Variants in POR observed in about 807,000 individuals in gnomAD.
The protein encoded by POR is cytochrome p450 oxidoreductase.
A neutral mutation model predicts 84.0 loss-of-function variants in POR; 56 were observed. The ratio of observed to expected loss-of-function variants is 0.67; its 90% CI spans 0.54 to 0.83. The LOEUF is 0.83. Ranked by LOEUF, POR falls within the 40% of genes least tolerant of loss-of-function variation. The pLI is 0.00. For synonymous variants in POR, 414 were observed against 400.5 expected (o/e 1.03, Z -0.40); for missense variants, 938 against 944.3 (o/e 0.99, Z 0.09).
intron 1 of POR, among the ~76,000 whole-genome samples, chr7:75,922,464 T>C (rs936452583): frequency 5.3e-5 from 8 of 151,928 alleles, no homozygotes; most frequent in East Asian, 3.9e-4. Flanking sequence ...GCTGGAATTA[T>C]AGGTGTGTGC....
At position 75,928,389 on chromosome 7, in the gene POR, G is replaced by T. The variant is rs150574581; in HGVS notation, c.-5+13210G>T. 3.3e-5 allele frequency among the ~76,000 whole-genome samples: 5 copies of T among 152,216 alleles called. No homozygotes were observed. In the East Asian group the frequency reaches 9.6e-4, roughly 29 times the overall value. On this transcript the variant is annotated intron_variant, in intron 1 of 15. Transcript: ENST00000461988. ...CTAGTCGTGGACACCTGCAGCAGAC[G>T]TATGTTCACTGCGTGTTTCTGGGCT... is the stretch of plus-strand genomic sequence containing the variant.
At chr7:75,979,314 C>T (rs1554557267) in intron 3 of POR, 137 bp from the exon 4 acceptor site, 6 of 1,053,664 alleles carry the variant, frequency 5.7e-6, no homozygotes, top group South Asian at 1.6e-5. Context: ...CCCAGAGGAA[C>T]TTAGAAGGGA....
At chr7:75,949,789 G>T (rs1787332839) in intron 1 of POR, among the ~76,000 whole-genome samples, 1 of 152,060 alleles carries the variant, frequency 6.6e-6, no homozygotes, top group Non-Finnish European at 1.5e-5. Context: ...CAAAGTGCTG[G>T]GATTACAGGT....
intron 1 of POR, among the ~76,000 whole-genome samples, chr7:75,951,225 T>C (rs1554552778): frequency 6.6e-6 from 1 of 151,766 alleles, no homozygotes; most frequent in African/African-American, 2.4e-5. Flanking sequence ...TGAAACCCCG[T>C]CTCTACTAAA....
chr7:75,937,570 T>C (rs1348471446), intron 1 of POR, among the ~76,000 whole-genome samples: 1 of 146,140 alleles, frequency 6.8e-6, no homozygotes, highest in Non-Finnish European at 1.5e-5. Context: ...TCACCTGAGG[T>C]CAGGAGTTTG....
intron 3 of POR, among the ~76,000 whole-genome samples, chr7:75,976,762 C>A (rs1036531814): frequency 2.7e-5 from 4 of 149,202 alleles, no homozygotes; most frequent in Non-Finnish European, 3.0e-5. Flanking sequence ...AAAAAAAAAA[C>A]AATTTTTAAT....
At chr7:75,978,762 C>T (rs573540804) in intron 3 of POR, among the ~76,000 whole-genome samples, 4 of 150,760 alleles carry the variant, frequency 2.7e-5, no homozygotes, top group Admixed American at 6.6e-5. Flanking sequence ...GACCTCAAGT[C>T]ATCCACCCGC....
intron 1 of POR, among the ~76,000 whole-genome samples, chr7:75,953,655 G>C (rs180890507): frequency 6.6e-6 from 1 of 152,278 alleles, no homozygotes; most frequent in Admixed American, 6.5e-5. Context: ...GTGTCCTTGT[G>C]GGATTAGAGG....
chr7:75,974,524 C>CTTTTTTTTTTTTTTTTTTTTTT (rs1238804117), intron 3 of POR, among the ~76,000 whole-genome samples: 5 of 107,904 alleles, frequency 4.6e-5, no homozygotes, highest in Admixed American at 1.1e-4. Flanking sequence ...TTTTTCTTTT[C>CTTTTTTTTTTTTTTTTTTTTTT]TTTTTTTTTT....
intron 2 of POR, among the ~76,000 whole-genome samples, chr7:75,962,013 CAAA>C (rs782366811): frequency 3.1e-5 from 4 of 128,870 alleles, no homozygotes; most frequent in Admixed American, 8.0e-5. Context: ...GACCCTGTCT[CAAA>C]AAAAAAAAAA....
chr7:75,975,659 CT>C (rs1386180995), intron 3 of POR, among the ~76,000 whole-genome samples: 2 of 152,012 alleles, frequency 1.3e-5, no homozygotes, highest in Non-Finnish European at 2.9e-5. Context: ...TCTCTGGGTT[CT>C]TTTCACTGGG....
chr7:75,972,640 G>A, intron 3 of POR, 179 bp downstream of exon 3: 6 of 691,764 alleles, frequency 8.7e-6, no homozygotes, highest in East Asian at 8.2e-5. Context: ...AAGCAGCTCT[G>A]CTGTTGCTGG....
At chr7:75,978,077 A>G (rs1438947737) in intron 3 of POR, among the ~76,000 whole-genome samples, 3 of 152,184 alleles carry the variant, frequency 2.0e-5, no homozygotes, top group Non-Finnish European at 2.9e-5. Flanking sequence ...TTTATAATGA[A>G]TATGTATTTA....
intron 3 of POR, among the ~76,000 whole-genome samples, chr7:75,975,644 C>T (rs1788648209): frequency 6.6e-6 from 1 of 152,034 alleles, no homozygotes; most frequent in African/African-American, 2.4e-5. Flanking sequence ...ATAATAATAG[C>T]TGGGTCTCTG....
intron 2 of POR, among the ~76,000 whole-genome samples, chr7:75,957,866 A>G (rs1787754620): frequency 6.6e-6 from 1 of 152,136 alleles, no homozygotes; most frequent in African/African-American, 2.4e-5. Context: ...GTACAAGACA[A>G]ATATTTCTAG....
At position 75,986,469 on chromosome 7, in the gene POR, C is replaced by T. The variant is rs542156984; in HGVS notation, c.2031C>T (p.Asp677=). 6.2e-6 allele frequency: 10 copies of T among 1,610,250 alleles called. No individual in the cohort carries two copies. The highest frequency in any genetic ancestry group is 4.0e-5 in the African/African-American group (3 of 75,050). ...TGACCAAGGGCCGCTACTCCCTGGACGTGTGGAGCTAGGGGCCTGCCTGCC... is the reference window on the plus strand; with the variant it reads ...TGACCAAGGGCCGCTACTCCCTGGATGTGTGGAGCTAGGGGCCTGCCTGCC... The change falls in exon 16 of 16, where the codon GAC becomes GAT. Residue 677 remains aspartate (D), a synonymous_variant. Coordinates refer to ENST00000461988, the MANE Select transcript of POR (RefSeq NM_000941.3).
chr7:75,979,665 G>GGCCGGCAGGGAGT, intron 4 of POR, 86 bp downstream of exon 4: 1 of 1,554,488 alleles, frequency 6.4e-7, no homozygotes, highest in Non-Finnish European at 8.7e-7. Flanking sequence ...AGCAGGGGGA[G>GGCCGGCAGGGAGT]GCCGGCAGGG....
chr7:75,985,285 C>T (rs1462015245), intron 12 of POR, 78 bp downstream of exon 12: 4 of 1,450,390 alleles, frequency 2.8e-6, no homozygotes, highest in Admixed American at 2.4e-5. Flanking sequence ...CAAGGCGGCA[C>T]AGGAGCTCCG....
intron 3 of POR, among the ~76,000 whole-genome samples, chr7:75,973,268 A>C (rs903852624): frequency 2.8e-4 from 43 of 152,170 alleles, no homozygotes; most frequent in African/African-American, 9.9e-4. Context: ...TTCCTGTATG[A>C]ACATACAAGT....
Sources: allele counts gnomAD v4.1 joint callset (sites outside exome capture counted in the v4.1 genomes callset), GRCh38; gene constraint gnomAD v4.1.1; transcripts MANE v1.5; gene names NCBI Gene and HGNC (gene_info 2026-07-23, HGNC 2026-07-21).